The following GSG1L2 variants were observed in gnomAD, a reference collection of about 807,000 sequenced individuals.
GSG1L2 encodes the protein GSG1 like 2.
In GSG1L2, 15 loss-of-function variants were observed where a neutral mutation model predicts 9.0. That is an observed-to-expected ratio of 1.67 (90% CI 1.12 to 2.57). GSG1L2 has a LOEUF of 2.57. Among genes scored for constraint, GSG1L2 ranks in the 30% most tolerant of loss-of-function variants. The probability of loss-of-function intolerance (pLI) is 0.00; values close to 1 mark genes in which losing one functional copy is unlikely to be tolerated. For missense variants in GSG1L2, 286 were observed against 150.3 expected, an observed-to-expected ratio of 1.90 and a Z score of -4.72; for synonymous variants, 127 against 57.9, an observed-to-expected ratio of 2.19 and a Z score of -5.41.
chr17:9,816,669 GTGTC>G (rs200934743), intron 1 of GSG1L2, among the ~76,000 whole-genome samples: 1 of 67,446 alleles, frequency 1.5e-5, no homozygotes, highest in African/African-American at 4.3e-5. Flanking sequence ...GTGTGCGTGT[GTGTC>G]TGTGTGTGTG....
intron 1 of GSG1L2, among the ~76,000 whole-genome samples, chr17:9,816,610 GT>G (rs2066564074): frequency 1.0e-3 from 37 of 37,044 alleles, no homozygotes; most frequent in Middle Eastern, 0.026. Flanking sequence ...GTCTGTGTGT[GT>G]CTGTGTGTCT....
At position 9,821,801 on chromosome 17, in the gene GSG1L2, C is replaced by T. The variant is rs1283288240; in HGVS notation, c.271G>A (p.Gly91Arg). The T allele has an allele frequency of 1.4e-6, 1 of 703,518 alleles. No homozygotes were observed. The highest frequency in any genetic ancestry group is 2.6e-6 in the Non-Finnish European group (1 of 385,116). The allele number at this position is 703,518 out of a possible 1,614,324, so 43.6% of individuals were successfully genotyped here. A position where few individuals can be genotyped will look rare whatever the true frequency, so the allele number is the denominator to read the frequency against. Reference sequence around the variant, plus strand: ...CTCTCCTCGCAGGACTGCCAGAGCCCCACATGGAACCCCCGCTGAATGAAC... The same window carrying T: ...CTCTCCTCGCAGGACTGCCAGAGCCTCACATGGAACCCCCGCTGAATGAAC... ...DKFIQRGFHV[G>R]LWQSCEESLN... Residue 91 changes from glycine (G) to arginine (R), a missense_variant, in exon 1 of 5, where the codon GGG (glycine) becomes AGG (arginine). Physicochemically the swap from Gly to Arg is moderately radical, Grantham distance 125. Coordinates refer to ENST00000399363, the MANE Select transcript of GSG1L2 (RefSeq NM_001310219.2).
rs937374658 is a variant in GSG1L2 at position 9,801,758 on chromosome 17, A to T, written c.*628T>A. Among the ~76,000 whole-genome samples the T allele has an allele frequency of 7.2e-5, 11 of 152,244 alleles. No homozygotes were observed. The highest frequency in any genetic ancestry group is 2.4e-4 in the African/African-American group (10 of 41,462). ...TGTGTTCCACTTAAACTAAGATAAG[A>T]TGTCATTCCATTTGACTGTGTTTTC... On this transcript the variant is annotated 3_prime_UTR_variant, in exon 5 of 5. Transcript: ENST00000399363.
intron 2 of GSG1L2, 185 bp from the exon 3 acceptor site, chr17:9,809,167 G>C (rs1026855292): frequency 2.6e-5 from 15 of 587,050 alleles, no homozygotes; most frequent in African/African-American, 1.5e-4. Context: ...GGCTGAAAGA[G>C]ACGGTTGTAG....
rs921023860 is a variant in GSG1L2 at position 9,801,058 on chromosome 17, A to G, written c.*1328T>C. ...TTTTTTTCATTTTTTTTATGACAGT[A>G]TAAGTGTTACAGTTCAGCATAAACA... On this transcript the variant is annotated 3_prime_UTR_variant, in exon 5 of 5. Transcript: ENST00000399363. Among the ~76,000 whole-genome samples the G allele has an allele frequency of 2.0e-4, 30 of 152,120 alleles. No individual in the cohort carries two copies. The highest frequency in any genetic ancestry group is 6.5e-4 in the African/African-American group (27 of 41,410).
intron 1 of GSG1L2, among the ~76,000 whole-genome samples, chr17:9,818,864 T>C (rs80205020): frequency 0.015 from 2,262 of 152,308 alleles, 62 homozygotes; most frequent in African/African-American, 0.051. Context: ...ATAACCATTA[T>C]CATATTTGTC....
At chr17:9,821,437 C>T (rs1042755674) in intron 1 of GSG1L2, among the ~76,000 whole-genome samples, 2 of 152,166 alleles carry the variant, frequency 1.3e-5, no homozygotes, top group African/African-American at 2.4e-5. Context: ...TAAACACTTG[C>T]AATGTGTCAG....
chr17:9,809,964 T>C (rs1287378972), intron 2 of GSG1L2: 2 of 152,870 alleles, frequency 1.3e-5, no homozygotes, highest in African/African-American at 2.4e-5. Context: ...GTTTACTTCC[T>C]GGAGAGGATC....
chr17:9,812,611 G>T (rs1329730252), intron 1 of GSG1L2, among the ~76,000 whole-genome samples: 1 of 152,106 alleles, frequency 6.6e-6, no homozygotes, highest in South Asian at 2.1e-4. Flanking sequence ...TCTTCCAGGT[G>T]CAGAGAGCTT....
At chr17:9,814,065 G>T (rs545939322) in intron 1 of GSG1L2, among the ~76,000 whole-genome samples, 116 of 151,884 alleles carry the variant, frequency 7.6e-4, no homozygotes, top group African/African-American at 2.7e-3. Context: ...CTCCCAAGTA[G>T]CTGGGATTAC....
intron 4 of GSG1L2, among the ~76,000 whole-genome samples, chr17:9,802,869 C>T (rs1018321130): frequency 3.9e-5 from 6 of 152,114 alleles, no homozygotes; most frequent in African/African-American, 1.4e-4. Flanking sequence ...GCATCGTGGC[C>T]CCACCTTGTA....
rs1236078521 is a variant in GSG1L2 at position 9,820,580 on chromosome 17, G to C, written c.310+1182C>G. 1.3e-5 allele frequency among the ~76,000 whole-genome samples: 2 copies of C among 152,004 alleles called. No homozygotes were observed. Among genetic ancestry groups the C allele is most frequent in the Admixed American group, 6.6e-5 (1 of 15,256 alleles). On this transcript the variant is annotated intron_variant, in intron 1 of 4. Transcript: ENST00000399363. The surrounding 1 kb of genome is among the most constrained non-coding windows in gnomAD (Gnocchi z 4.9). ...CTGGCCTGGATACATGGGAGGTTCA[G>C]TCAGGCTGGGTACTGCCCCACATTG...
Position 9,802,476 on chromosome 17 carries a change from T to C in GSG1L2, c.792A>G (p.Thr264=). ...GTTCAGCAGGGCAAGGAGCAGCTCCTGTTTTCCAAATGCTCTCCGAAGCCT... is the reference window on the plus strand; with the variant it reads ...GTTCAGCAGGGCAAGGAGCAGCTCCCGTTTTCCAAATGCTCTCCGAAGCCT... The part of the protein sequence containing the change: ...EPEASESIWK[T]GAAPCPAEQA... Residue 264 remains threonine (T), a synonymous_variant, in exon 5 of 5, where the codon ACA becomes ACG. Coordinates refer to ENST00000399363, the MANE Select transcript of GSG1L2 (RefSeq NM_001310219.2). The C allele has an allele frequency of 1.4e-6, 1 of 702,652 alleles. No individual in the cohort carries two copies. Among genetic ancestry groups the C allele is most frequent in the Non-Finnish European group, 2.6e-6 (1 of 384,912 alleles). The allele number at this position is 702,652 out of a possible 1,614,324, so 43.5% of individuals were successfully genotyped here.
intron 2 of GSG1L2, chr17:9,809,218 GA>G (rs1278206498): frequency 2.0e-6 from 1 of 496,122 alleles, no homozygotes; most frequent in Non-Finnish European, 3.7e-6. Context: ...TGGGGGCGGG[GA>G]AACTAAGCAA....
chr17:9,820,690 T>G lies in GSG1L2; in HGVS notation c.310+1072A>C, dbSNP rs2066585712. On this transcript the variant is annotated intron_variant, in intron 1 of 4. Coordinates refer to ENST00000399363, the MANE Select transcript of GSG1L2 (RefSeq NM_001310219.2). The surrounding 1 kb of genome is among the most constrained non-coding windows in gnomAD (Gnocchi z 4.9). Reference sequence around the variant, plus strand: ...TTTTTTTTTTTTAATTTGAGACAGGTCTCGCTCTATCATTCAGGCTGGAGG... The same window carrying G: ...TTTTTTTTTTTTAATTTGAGACAGGGCTCGCTCTATCATTCAGGCTGGAGG... Among the ~76,000 whole-genome samples the G allele has an allele frequency of 6.7e-6, 1 of 149,820 alleles. No individual in the cohort carries two copies.
At chr17:9,814,365 A>T (rs1303348103) in intron 1 of GSG1L2, among the ~76,000 whole-genome samples, 1 of 152,080 alleles carries the variant, frequency 6.6e-6, no homozygotes, top group Non-Finnish European at 1.5e-5. Context: ...CTCACCTAAG[A>T]CTCAGAGGCC....
rs538766036 is a variant in GSG1L2, at chr17:9,810,812, A to C, written c.311-194T>G. ...TATTGGACTCTGGCTTGGCCACGTA[A>C]CACTCTTTGACCAATGAACTGGGAG... is the stretch of plus-strand genomic sequence containing the variant. On this transcript the variant is annotated intron_variant, in intron 1 of 4. Coordinates refer to ENST00000399363, the MANE Select transcript of GSG1L2 (RefSeq NM_001310219.2). 3 of 584,252 alleles carry C rather than the reference A, an allele frequency of 5.1e-6. No homozygotes were observed. The East Asian group carries it at 8.5e-5, about 17-fold the overall frequency. 36.2% of individuals were successfully genotyped at this position (584,252 alleles called of 1,614,324 possible). A position where few individuals can be genotyped will look rare whatever the true frequency, so the allele number is the denominator to read the frequency against.
chr17:9,801,384 T>G lies in GSG1L2; in HGVS notation c.*1002A>C, dbSNP rs2066496257. Reference sequence around the variant, plus strand: ...CACCATGCTTGGCTATTTTTGATGTTTTTTTTTTTTTAGTAGAGACAGGGT... The same window carrying G: ...CACCATGCTTGGCTATTTTTGATGTGTTTTTTTTTTTAGTAGAGACAGGGT... On this transcript the variant is annotated 3_prime_UTR_variant, in exon 5 of 5. Transcript: ENST00000399363. Among the ~76,000 whole-genome samples the G allele has an allele frequency of 6.8e-6, 1 of 147,930 alleles. No homozygotes were observed. The highest frequency in any genetic ancestry group is 2.5e-5 in the African/African-American group (1 of 40,544).
At position 9,807,600 on chromosome 17, in the gene GSG1L2, C is replaced by A. The variant is rs572166531; in HGVS notation, c.513G>T (p.Gly171=). Residue 171 remains glycine (G), a splice_region_variant and synonymous_variant, in exon 4 of 5, where the codon GGG becomes GGT. Coordinates refer to ENST00000399363, the MANE Select transcript of GSG1L2 (RefSeq NM_001310219.2). ...TCATGTGGGCCACCATGCCTAGAAG[C>A]CCTGCGCAAGGAAAGCTCTGTGAGT... ...ALVAIFMVLA[G]LLGMVAHMMY... 16 of 703,326 alleles carry A rather than the reference C, an allele frequency of 2.3e-5. No homozygotes were observed. The Admixed American group carries it at 3.0e-4, about 13-fold the overall frequency. 43.6% of individuals were successfully genotyped at this position (703,326 alleles called of 1,614,324 possible).
Sources: gnomAD v4.1 joint callset for allele counts (sites outside exome capture counted in the v4.1 genomes callset) on GRCh38, gnomAD v4.1.1 for gene constraint, Gnocchi (gnomAD v3.1) non-coding constraint, MANE v1.5 for transcripts, NCBI Gene and HGNC (gene_info 2026-07-23, HGNC 2026-07-21) for gene names.